CSMD3: variants seen among roughly 807,000 people sequenced by gnomAD.
CSMD3 encodes CUB and sushi domain-containing protein 3.
CSMD3 carries 177 observed loss-of-function variants against 435.2 expected under a neutral mutation model. The ratio of observed to expected loss-of-function variants is 0.41; its 90% CI spans 0.36 to 0.46. The LOEUF is 0.46. Among genes scored for constraint, CSMD3 ranks in the 20% least tolerant of loss-of-function variants. The pLI is 0.34. For synonymous variants in CSMD3, 1,656 were observed against 1,520.5 expected, an observed-to-expected ratio of 1.09 and a Z score of -2.07; for missense variants, 4,265 against 4,504.6, an observed-to-expected ratio of 0.95 and a Z score of 1.52.
intron 27 of CSMD3, among the ~76,000 whole-genome samples, chr8:112,547,850 T>C (rs1332566039): frequency 1.3e-5 from 2 of 152,066 alleles, no homozygotes; most frequent in Non-Finnish European, 2.9e-5. Flanking sequence ...AGTTTGAGAA[T>C]TAATTAGTGA....
In CSMD3 at chr8:113,038,766, A is replaced by G. The variant is rs575338740; in HGVS notation, c.918-19587T>C. Among the ~76,000 whole-genome samples the G allele has an allele frequency of 2.6e-5, 4 of 152,156 alleles. No homozygotes were observed. In the East Asian group the frequency reaches 7.7e-4, roughly 29 times the overall value. On this transcript the variant is annotated intron_variant, in intron 5 of 70. Coordinates refer to ENST00000297405, the MANE Select transcript of CSMD3 (RefSeq NM_198123.2). ...TAGGGAAGAAAGACCATAATATAAAATCCCTCCCTCCCAACATGCATTTGC... is the reference window on the plus strand; with the variant it reads ...TAGGGAAGAAAGACCATAATATAAAGTCCCTCCCTCCCAACATGCATTTGC...
chr8:112,251,784 G>T (rs1182994816), intron 63 of CSMD3, among the ~76,000 whole-genome samples: 1 of 151,618 alleles, frequency 6.6e-6, no homozygotes, highest in Non-Finnish European at 1.5e-5. Flanking sequence ...ATTGCCCAGA[G>T]CTCAGTTTAA....
intron 5 of CSMD3, among the ~76,000 whole-genome samples, chr8:113,067,590 A>C (rs2088916683): frequency 6.6e-6 from 1 of 152,166 alleles, no homozygotes; most frequent in African/African-American, 2.4e-5. Flanking sequence ...TAATATGTCA[A>C]GTATGCCTTA....
chr8:113,029,155 A>G (rs892501612), intron 5 of CSMD3, among the ~76,000 whole-genome samples: 2 of 151,532 alleles, frequency 1.3e-5, no homozygotes, highest in African/African-American at 4.8e-5. Context: ...GTACTCAAAA[A>G]TAGTCCAGGA....
Position 113,314,654 on chromosome 8 carries a change from A to G in CSMD3, c.318T>C (p.Val106=). The G allele has an allele frequency of 6.2e-7, 1 of 1,610,878 alleles. No homozygotes were observed. Among genetic ancestry groups the G allele is most frequent in the Non-Finnish European group, 8.5e-7 (1 of 1,177,276 alleles). ...IAEERNRIQI[V]FQSFALEEEY... is the part of the protein sequence containing the mutation. The stretch of plus-strand genomic sequence containing the variant: ...CTTCTTCTAGAGCAAATGACTGAAA[A>G]ACAATTTGTATTCTATTTCGTTCTT... Residue 106 remains valine (V), a synonymous_variant, in exon 2 of 71, where the codon GTT becomes GTC. Coordinates refer to ENST00000297405, the MANE Select transcript of CSMD3 (RefSeq NM_198123.2).
At chr8:113,148,723 C>T (rs2091735535) in intron 4 of CSMD3, among the ~76,000 whole-genome samples, 2 of 151,602 alleles carry the variant, frequency 1.3e-5, no homozygotes, top group Non-Finnish European at 2.9e-5. Context: ...AACCTGTAAA[C>T]ACCTGTAAAA....
chr8:113,265,288 T>C (rs2093460379), intron 3 of CSMD3, among the ~76,000 whole-genome samples: 1 of 151,348 alleles, frequency 6.6e-6, no homozygotes, highest in African/African-American at 2.4e-5. Flanking sequence ...TGCAGGGTGT[T>C]CTGAGCAGAA....
intron 42 of CSMD3, among the ~76,000 whole-genome samples, chr8:112,339,013 C>A (rs1233414181): frequency 6.6e-6 from 1 of 151,870 alleles, no homozygotes; most frequent in African/African-American, 2.4e-5. Context: ...AGGCAGGGAA[C>A]CTAAGGCTGT....
chr8:112,233,789 T>A (rs16883283), intron 68 of CSMD3, among the ~76,000 whole-genome samples: 4,529 of 152,184 alleles, frequency 0.03, 233 homozygotes, highest in African/African-American at 0.1. Flanking sequence ...TCCACTCACA[T>A]AAATCACTTA....
At chr8:112,576,560 G>A (rs1428795311) in intron 23 of CSMD3, among the ~76,000 whole-genome samples, 2 of 150,796 alleles carry the variant, frequency 1.3e-5, no homozygotes, top group Non-Finnish European at 2.9e-5. Context: ...TTTTGACAGG[G>A]TGTCTGTTGC....
At position 112,685,690 on chromosome 8, in the gene CSMD3, A is replaced by T; in HGVS notation, c.2198T>A (p.Leu733His). 1.9e-6 allele frequency: 3 copies of T among 1,613,590 alleles called. No individual in the cohort carries two copies. Among genetic ancestry groups the T allele is most frequent in the Non-Finnish European group, 2.5e-6 (3 of 1,179,554 alleles). ...ATACCCTTCTGGGTAATCAGGAGAA[A>T]GAACTGTTCCCATTGGTGCAGTAAA... is the stretch of plus-strand genomic sequence containing the variant. ...SNFTAPMGTV[L>H]SPDYPEGYGN... The change falls in exon 15 of 71, where the codon CTT (leucine) becomes CAT (histidine). Residue 733 changes from leucine to histidine, a missense_variant. Coordinates refer to ENST00000297405, the MANE Select transcript of CSMD3 (RefSeq NM_198123.2).
At chr8:113,043,465 A>G (rs779406097) in intron 5 of CSMD3, among the ~76,000 whole-genome samples, 2 of 152,104 alleles carry the variant, frequency 1.3e-5, no homozygotes, top group East Asian at 1.9e-4. Flanking sequence ...TAACCACCCA[A>G]CTTCAGAGCT....
At chr8:113,379,909 A>C (rs2094407809) in intron 1 of CSMD3, among the ~76,000 whole-genome samples, 1 of 152,190 alleles carries the variant, frequency 6.6e-6, no homozygotes, top group Non-Finnish European at 1.5e-5. Flanking sequence ...TGTTTTATGA[A>C]AGCTATCTTA....
At chr8:112,279,760 A>G (rs1446265714) in intron 59 of CSMD3, among the ~76,000 whole-genome samples, 1 of 152,120 alleles carries the variant, frequency 6.6e-6, no homozygotes, top group African/African-American at 2.4e-5. Context: ...AGACCTCCAT[A>G]TCAATATTAC....
chr8:112,574,418 T>C (rs1443083117), intron 23 of CSMD3, among the ~76,000 whole-genome samples: 3 of 151,996 alleles, frequency 2.0e-5, no homozygotes, highest in Non-Finnish European at 4.4e-5. Flanking sequence ...GTAATGCTGA[T>C]ATAAACACTC....
intron 13 of CSMD3, among the ~76,000 whole-genome samples, chr8:112,709,957 T>C (rs927807270): frequency 6.6e-6 from 1 of 152,106 alleles, no homozygotes; most frequent in Non-Finnish European, 1.5e-5. Flanking sequence ...ATGTAATTTT[T>C]AAAATGCTAA....
intron 27 of CSMD3, among the ~76,000 whole-genome samples, chr8:112,521,840 G>A (rs976101545): frequency 6.6e-6 from 1 of 151,660 alleles, no homozygotes; most frequent in Admixed American, 6.6e-5. Flanking sequence ...TAAAAAATAA[G>A]TATAAAATTT....
intron 45 of CSMD3, among the ~76,000 whole-genome samples, chr8:112,331,142 T>C (rs980952247): frequency 6.6e-6 from 1 of 152,082 alleles, no homozygotes; most frequent in Non-Finnish European, 1.5e-5. Flanking sequence ...ACCACTAATA[T>C]AGTGATGGCT....
At chr8:113,295,022 TTTTTATTTTCA>T (rs1391196060) in intron 2 of CSMD3, among the ~76,000 whole-genome samples, 1 of 152,156 alleles carries the variant, frequency 6.6e-6, no homozygotes, top group Non-Finnish European at 1.5e-5. Context: ...ATAAAGTTTA[TTTTTATTTTCA>T]TTTTATTTTT....
Sources: allele counts gnomAD v4.1 joint callset (sites outside exome capture counted in the v4.1 genomes callset), GRCh38; gene constraint gnomAD v4.1.1; transcripts MANE v1.5; gene names NCBI Gene and HGNC (gene_info 2026-07-23, HGNC 2026-07-21).